The following ATP10B variants were observed in gnomAD, a reference collection of about 807,000 sequenced individuals.
ATP10B encodes the protein ATPase phospholipid transporting 10B (putative), also known as phospholipid-transporting ATPase VB.
In ATP10B, 122 loss-of-function variants were observed where a neutral mutation model predicts 141.2. The ratio of observed to expected loss-of-function variants is 0.86; its 90% CI spans 0.75 to 1.00. The LOEUF is 1.00. Ranked by LOEUF, ATP10B falls within the 50% of genes least tolerant of loss-of-function variation. The pLI, the probability that ATP10B is intolerant of heterozygous loss-of-function variation, is 0.00. For synonymous variants in ATP10B, 685 were observed against 692.0 expected (o/e 0.99, Z 0.16); for missense variants, 1,876 against 1,825.3 (o/e 1.03, Z -0.51).
intron 25 of ATP10B, among the ~76,000 whole-genome samples, chr5:160,566,942 C>T (rs2127592126): frequency 6.6e-6 from 1 of 152,270 alleles, no homozygotes; most frequent in African/African-American, 2.4e-5. Flanking sequence ...CCCCTCTACC[C>T]CTGGCCAACC....
intron 2 of ATP10B, among the ~76,000 whole-genome samples, chr5:160,777,284 A>G (rs1433489995): frequency 1.3e-5 from 2 of 152,178 alleles, no homozygotes; most frequent in African/African-American, 4.8e-5. Flanking sequence ...GGTTTGGGGA[A>G]CTGCCCACAC....
chr5:160,924,046 G>A, the ATP10B span, among the ~76,000 whole-genome samples: 1 of 152,218 alleles, frequency 6.6e-6, no homozygotes, highest in Non-Finnish European at 1.5e-5. Context: ...GCTCAACTAT[G>A]TCTGAATAAG....
the ATP10B span, among the ~76,000 whole-genome samples, chr5:160,859,221 A>G: frequency 6.6e-6 from 1 of 151,694 alleles, no homozygotes; most frequent in Non-Finnish European, 1.5e-5. Flanking sequence ...GGATGTTTTT[A>G]CTGGGTATAG....
chr5:160,794,173 C>T (rs1231712873), intron 1 of ATP10B, among the ~76,000 whole-genome samples: 2 of 152,304 alleles, frequency 1.3e-5, no homozygotes, highest in Non-Finnish European at 1.5e-5. Context: ...CTGTCCTCAG[C>T]ATGAGGAACA....
chr5:160,833,726 C>T (rs1024988936), intron 1 of ATP10B, among the ~76,000 whole-genome samples: 15 of 151,990 alleles, frequency 9.9e-5, no homozygotes, highest in Non-Finnish European at 2.2e-4. Flanking sequence ...AGAAATTTAG[C>T]TGAGAAATGA....
intron 24 of ATP10B, among the ~76,000 whole-genome samples, chr5:160,585,064 A>T (rs1755800972): frequency 6.6e-6 from 1 of 152,206 alleles, no homozygotes; most frequent in Non-Finnish European, 1.5e-5. Context: ...ATTCTCAATG[A>T]CAATTTCTTC....
intron 3 of ATP10B, among the ~76,000 whole-genome samples, chr5:160,697,481 G>T (rs1357061496): frequency 6.6e-6 from 1 of 151,918 alleles, no homozygotes; most frequent in African/African-American, 2.4e-5. Flanking sequence ...TTCCCAATGG[G>T]AAGAACAAGA....
the ATP10B span, among the ~76,000 whole-genome samples, chr5:160,889,437 C>G: frequency 6.6e-6 from 1 of 152,150 alleles, no homozygotes; most frequent in Non-Finnish European, 1.5e-5. Flanking sequence ...CTAATTCTTC[C>G]CCTCCCACTC....
At chr5:160,806,541 C>T (rs1055792167) in intron 1 of ATP10B, among the ~76,000 whole-genome samples, 1 of 152,136 alleles carries the variant, frequency 6.6e-6, no homozygotes, top group African/African-American at 2.4e-5. Context: ...GTTTGTCTTT[C>T]AGAACTTTGG....
At chr5:160,897,819 C>A in the ATP10B span, among the ~76,000 whole-genome samples, 1 of 152,198 alleles carries the variant, frequency 6.6e-6, no homozygotes, top group Non-Finnish European at 1.5e-5. Flanking sequence ...ACCAGAACAG[C>A]ATGGAACTGG....
intron 12 of ATP10B, 68 bp downstream of exon 12, chr5:160,634,286 C>T: frequency 6.2e-7 from 1 of 1,609,830 alleles, no homozygotes; most frequent in East Asian, 2.2e-5. Context: ...CTTTTATCTC[C>T]TCGTTTCTTA....
chr5:160,644,123 T>G lies in ATP10B; in HGVS notation c.868+15A>C. 1 of 1,607,578 alleles carries G rather than the reference T, an allele frequency of 6.2e-7. No individual in the cohort carries two copies. The highest frequency in any genetic ancestry group is 8.5e-7 in the Non-Finnish European group (1 of 1,174,226). On this transcript the variant is annotated intron_variant, in intron 9 of 25. Coordinates refer to ENST00000327245, the MANE Select transcript of ATP10B (RefSeq NM_025153.3). ...AAAGGAAAATTCAGACAAAAGAAAC[T>G]ACCCAGACAATGACCTGCATAGATG...
the ATP10B span, among the ~76,000 whole-genome samples, chr5:160,889,096 G>A: frequency 6.6e-6 from 1 of 152,174 alleles, no homozygotes; most frequent in Non-Finnish European, 1.5e-5. Flanking sequence ...GATACAGGGA[G>A]AGACCATAAG....
intron 22 of ATP10B, 21 bp downstream of exon 22, chr5:160,598,749 T>C (rs746208164): frequency 1.1e-5 from 18 of 1,612,988 alleles, no homozygotes; most frequent in Non-Finnish European, 1.5e-5. Context: ...TCACCTCCCT[T>C]TGGCTGCCCG....
chr5:160,665,899 A>G (rs1345334279), intron 7 of ATP10B, among the ~76,000 whole-genome samples: 3 of 152,178 alleles, frequency 2.0e-5, no homozygotes, highest in East Asian at 3.9e-4. Flanking sequence ...AACTATCAAG[A>G]GCCATTAATA....
intron 2 of ATP10B, among the ~76,000 whole-genome samples, chr5:160,747,995 G>GAAA (rs3075589): frequency 8.1e-5 from 8 of 99,038 alleles, no homozygotes; most frequent in South Asian, 7.6e-4. Flanking sequence ...CATTGAGAGA[G>GAAA]AAAAAAAAAA....
chr5:160,606,698 C>T, intron 19 of ATP10B, 67 bp downstream of exon 19: 2 of 1,520,196 alleles, frequency 1.3e-6, no homozygotes, highest in Non-Finnish European at 1.8e-6. Flanking sequence ...GACCTCCCAC[C>T]TCTGGTCCAG....
At chr5:160,707,508 G>C (rs550142249) in intron 3 of ATP10B, among the ~76,000 whole-genome samples, 1 of 152,114 alleles carries the variant, frequency 6.6e-6, no homozygotes, top group African/African-American at 2.4e-5. Flanking sequence ...TAAATTTCTC[G>C]ATACAGACTT....
At chr5:160,725,652 A>G (rs961627521) in intron 2 of ATP10B, among the ~76,000 whole-genome samples, 1 of 152,050 alleles carries the variant, frequency 6.6e-6, no homozygotes, top group East Asian at 1.9e-4. Flanking sequence ...TCACCGTGTT[A>G]GCCAGGATGG....
Sources: gnomAD v4.1 joint callset for allele counts (sites outside exome capture counted in the v4.1 genomes callset) on GRCh38, gnomAD v4.1.1 for gene constraint, MANE v1.5 for transcripts, NCBI Gene and HGNC (gene_info 2026-07-23, HGNC 2026-07-21) for gene names.